C4orf51: variants seen among roughly 807,000 people sequenced by gnomAD.
C4orf51 encodes uncharacterized protein C4orf51.
A neutral mutation model predicts 25.2 loss-of-function variants in C4orf51; 25 were observed. The observed-to-expected ratio is 0.99, with a 90% CI of 0.72 to 1.39. The LOEUF (loss-of-function observed/expected upper bound fraction) is 1.39, where lower values mean the gene tolerates loss of function less well. Among genes scored for constraint, C4orf51 ranks in the 40% most tolerant of loss-of-function variants. The pLI is 0.00. For missense variants in C4orf51, 252 were observed against 239.6 expected, an observed-to-expected ratio of 1.05 and a Z score of -0.34; for synonymous variants, 100 against 84.5, an observed-to-expected ratio of 1.18 and a Z score of -1.01.
At chr4:145,777,888 T>C in the C4orf51 span, among the ~76,000 whole-genome samples, 1 of 152,198 alleles carries the variant, frequency 6.6e-6, no homozygotes, top group African/African-American at 2.4e-5. Context: ...ATGTCTGTTA[T>C]TTGAATTTTT....
intron 1 of C4orf51, among the ~76,000 whole-genome samples, chr4:145,767,046 G>A (rs1340042062): frequency 2.0e-5 from 3 of 152,180 alleles, no homozygotes; most frequent in Non-Finnish European, 2.9e-5. Flanking sequence ...ATCCAAAGGT[G>A]ATCAGATGTG....
chr4:145,733,976 G>A (rs1430054971), downstream of C4orf51, among the ~76,000 whole-genome samples: 1 of 152,144 alleles, frequency 6.6e-6, no homozygotes, highest in Non-Finnish European at 1.5e-5. Flanking sequence ...CCAAGGTAAT[G>A]GCTATCATTA....
At chr4:145,693,744 G>A (rs1316958245) in intron 1 of C4orf51, among the ~76,000 whole-genome samples, 2 of 86,484 alleles carry the variant, frequency 2.3e-5, no homozygotes, top group Non-Finnish European at 4.7e-5. Context: ...CGGACGGGGC[G>A]GCTGGCCGGG....
chr4:145,683,087 A>G (rs1246138233), intron 1 of C4orf51, among the ~76,000 whole-genome samples: 1 of 152,170 alleles, frequency 6.6e-6, no homozygotes, highest in Non-Finnish European at 1.5e-5. Flanking sequence ...ACAAAAATCA[A>G]TTATTTTCCT....
intron 2 of C4orf51, among the ~76,000 whole-genome samples, chr4:145,701,612 G>C (rs1730450145): frequency 6.6e-6 from 1 of 151,530 alleles, no homozygotes; most frequent in Admixed American, 6.6e-5. Context: ...CGGATGCCGA[G>C]CTTCGGGTAA....
In C4orf51 at chr4:145,686,778, A is replaced by G. The variant is rs373157722; in HGVS notation, c.233+6342A>G. The stretch of plus-strand genomic sequence containing the variant: ...AAAATGATAAGTTCTTTTTAAAAAT[A>G]AAAGTTCTCAAGTCACTCTCCTTAG... On this transcript the variant is annotated intron_variant, in intron 1 of 5. Coordinates refer to ENST00000438731, the MANE Select transcript of C4orf51 (RefSeq NM_001080531.3). Among the ~76,000 whole-genome samples the G allele has an allele frequency of 1.8e-4, 28 of 152,342 alleles. No homozygotes were observed. The South Asian group carries it at 5.6e-3, about 30-fold the overall frequency.
downstream of C4orf51, among the ~76,000 whole-genome samples, chr4:145,734,717 G>A (rs1179555061): frequency 1.3e-5 from 2 of 152,194 alleles, no homozygotes; most frequent in African/African-American, 4.8e-5. Flanking sequence ...TGAGGAATGT[G>A]CTGAGTTTTA....
intron 2 of C4orf51, among the ~76,000 whole-genome samples, chr4:145,723,531 TCTGCA>T (rs1731871706): frequency 6.6e-6 from 1 of 152,092 alleles, no homozygotes; most frequent in Admixed American, 6.6e-5. Flanking sequence ...CTTCTCTGAT[TCTGCA>T]AGCCTACACT....
chr4:145,726,970 G>A lies in C4orf51; in HGVS notation c.366+1G>A, dbSNP rs941574835. ...GTCATTTGATGTCAAGCATGGAGTG[G>A]TAAGCCCAACATTTCTCAGCAATCT... On this transcript the variant is annotated splice_donor_variant, in intron 3 of 5. Transcript: ENST00000438731. LOFTEE classifies it high-confidence loss of function. 6.2e-7 allele frequency: 1 copy of A among 1,611,262 alleles called. No individual in the cohort carries two copies. Among genetic ancestry groups the A allele is most frequent in the East Asian group, 2.2e-5 (1 of 44,834 alleles).
rs545666269 is a variant in C4orf51 at position 145,690,504 on chromosome 4, A to C, written c.234-6055A>C. ...GGGCGACAGAGTGAGACTCCATCTC[A>C]AAATAATAATAATAATAATAATCCT... On this transcript the variant is annotated intron_variant, in intron 1 of 5. Transcript: ENST00000438731. 3.9e-5 allele frequency among the ~76,000 whole-genome samples: 6 copies of C among 152,152 alleles called. No homozygotes were observed. In the South Asian group the frequency reaches 1.2e-3, roughly 32 times the overall value.
At chr4:145,752,936 G>C (rs900163744) in intron 1 of C4orf51, among the ~76,000 whole-genome samples, 4 of 149,590 alleles carry the variant, frequency 2.7e-5, no homozygotes, top group Non-Finnish European at 5.9e-5. Flanking sequence ...ACTGAGGTCA[G>C]TGCAGGGTCC....
intron 2 of C4orf51, among the ~76,000 whole-genome samples, chr4:145,722,727 G>A (rs1473552676): frequency 2.0e-5 from 3 of 152,300 alleles, no homozygotes; most frequent in Non-Finnish European, 2.9e-5. Context: ...AGCAGGGGGT[G>A]TACAGTGGGG....
At chr4:145,753,563 C>T (rs1733795294) in intron 1 of C4orf51, among the ~76,000 whole-genome samples, 1 of 152,120 alleles carries the variant, frequency 6.6e-6, no homozygotes, top group Admixed American at 6.5e-5. Context: ...TACTCCTTGT[C>T]CAGCCCCATA....
intron 1 of C4orf51, among the ~76,000 whole-genome samples, chr4:145,692,203 T>G (rs1487279585): frequency 6.6e-6 from 1 of 151,764 alleles, no homozygotes. Flanking sequence ...GACAGAAGAG[T>G]CAACAGTAGT....
intron 4 of C4orf51, 68 bp downstream of exon 4, chr4:145,729,297 ATTTTT>A (rs547075220): frequency 1.2e-3 from 337 of 292,294 alleles, no homozygotes; most frequent in Admixed American, 1.3e-3. Flanking sequence ...TGGTCATGTG[ATTTTT>A]TTTTTTTTTT....
chr4:145,775,884 G>A (rs150742094), downstream of C4orf51: 7 of 1,614,074 alleles, frequency 4.3e-6, no homozygotes, highest in Non-Finnish European at 5.9e-6. Context: ...TCACGGAATG[G>A]ACGGTCAAGT....
intron 1 of C4orf51, among the ~76,000 whole-genome samples, chr4:145,740,104 C>T (rs957226778): frequency 6.6e-6 from 1 of 152,090 alleles, no homozygotes; most frequent in African/African-American, 2.4e-5. Flanking sequence ...GGGAGTCAGG[C>T]ATTTCTTAGA....
intron 1 of C4orf51, among the ~76,000 whole-genome samples, chr4:145,693,274 C>A (rs1729734670): frequency 1.3e-5 from 2 of 150,974 alleles, no homozygotes; most frequent in African/African-American, 2.4e-5. Flanking sequence ...TTTAACAAAG[C>A]CCATCTTGCA....
chr4:145,725,786 G>A (rs1578995357), intron 2 of C4orf51, among the ~76,000 whole-genome samples: 1 of 152,044 alleles, frequency 6.6e-6, no homozygotes, highest in Admixed American at 6.6e-5. Context: ...TAAGAAAGGG[G>A]ATTAACTATA....
Sources: gnomAD v4.1 joint callset for allele counts (sites outside exome capture counted in the v4.1 genomes callset) on GRCh38, gnomAD v4.1.1 for gene constraint, MANE v1.5 for transcripts, NCBI Gene and HGNC (gene_info 2026-07-23, HGNC 2026-07-21) for gene names.